Variants in SIN3B observed in about 807,000 individuals in gnomAD.
SIN3B encodes the protein paired amphipathic helix protein Sin3b.
A neutral mutation model predicts 120.2 loss-of-function variants in SIN3B; 19 were observed. The ratio of observed to expected loss-of-function variants is 0.16; its 90% CI spans 0.11 to 0.23. The LOEUF is 0.23. SIN3B is among the 10% of genes least tolerant of loss of function. SIN3B has a pLI of 1.00. For missense variants in SIN3B, 1,073 were observed against 1,573.0 expected (o/e 0.68, Z 5.38); for synonymous variants, 654 against 653.2 (o/e 1.00, Z -0.02).
intron 14 of SIN3B, chr19:16,872,792 T>G (rs1470089550): frequency 6.6e-6 from 1 of 152,164 alleles, no homozygotes; most frequent in East Asian, 1.9e-4. Context: ...TCGAGCTGTG[T>G]GTTAACAGCA....
intron 1 of SIN3B, 33 bp downstream of exon 1, chr19:16,829,573 C>G: frequency 8.0e-7 from 1 of 1,247,982 alleles, no homozygotes; most frequent in African/African-American, 1.5e-5. Context: ...CTCGGGGAAC[C>G]CATCTTCTGG....
chr19:16,880,141 C>T lies in SIN3B; in HGVS notation c.*1414C>T, dbSNP rs2051675506. On this transcript the variant is annotated 3_prime_UTR_variant, in exon 19 of 19. Transcript: ENST00000248054. ...TCCTGTACCAGGCCCACGGCCGTCT[C>T]GGGCAGAGCCACCTGGGCCCCGGGT... 6.6e-6 allele frequency: 1 copy of T among 152,262 alleles called. No homozygotes were observed. The highest frequency in any genetic ancestry group is 1.5e-5 in the Non-Finnish European group (1 of 68,068). The allele number at this position is 152,262 out of a possible 1,614,324, so 9.4% of individuals were successfully genotyped here.
chr19:16,870,857 T>G (rs1277219763), intron 13 of SIN3B, among the ~76,000 whole-genome samples: 5 of 151,956 alleles, frequency 3.3e-5, no homozygotes, highest in Admixed American at 3.3e-4. Flanking sequence ...CCCAGCCCAA[T>G]TTTTTGTATT....
At chr19:16,856,660 C>T (rs538051358) in intron 8 of SIN3B, among the ~76,000 whole-genome samples, 1 of 152,196 alleles carries the variant, frequency 6.6e-6, no homozygotes, top group African/African-American at 2.4e-5. Flanking sequence ...CAACCTCCAC[C>T]TCCCAGGTTC....
chr19:16,865,544 G>A lies in SIN3B; in HGVS notation c.1518G>A (p.Val506=). 1.2e-6 allele frequency: 2 copies of A among 1,613,802 alleles called. No homozygotes were observed. The highest frequency in any genetic ancestry group is 1.7e-6 in the Non-Finnish European group (2 of 1,179,844). The part of the protein sequence containing the change: ...LDDSLGGTSE[V]IQRRAIYRIY... ...ACTCCCTGGGAGGCACGTCGGAGGT[G>A]ATCCAGCGCCGTGCCATTTATCGCA... is the stretch of plus-strand genomic sequence containing the variant. Residue 506 remains valine, a synonymous_variant, in exon 11 of 19, where the codon GTG becomes GTA. Transcript: ENST00000248054.
At chr19:16,875,440 T>TCTG (rs1484294251) in intron 14 of SIN3B, among the ~76,000 whole-genome samples, 2 of 142,888 alleles carry the variant, frequency 1.4e-5, no homozygotes, top group African/African-American at 2.6e-5. Flanking sequence ...TCTGGTCTGG[T>TCTG]TTTGGTCTGG....
intron 7 of SIN3B, 87 bp downstream of exon 7, chr19:16,853,245 C>T (rs1212388597): frequency 1.3e-5 from 17 of 1,285,158 alleles, no homozygotes; most frequent in Admixed American, 5.4e-5. Flanking sequence ...AGGATTGGGG[C>T]GGGGAGCAGG....
chr19:16,878,870 C>G lies in SIN3B; in HGVS notation c.*143C>G. 1.3e-6 allele frequency: 1 copy of G among 768,938 alleles called. No homozygotes were observed. The highest frequency in any genetic ancestry group is 2.0e-6 in the Non-Finnish European group (1 of 490,452). 47.6% of individuals were successfully genotyped at this position (768,938 alleles called of 1,614,324 possible). A position where few individuals can be genotyped will look rare whatever the true frequency, so the allele number is the denominator to read the frequency against. ...CCGGACAGCGCACTCCAGGGCAGGA[C>G]GCCGCCCCCGTGGCTCCCGGTCTCC... On this transcript the variant is annotated 3_prime_UTR_variant, in exon 19 of 19. Coordinates refer to ENST00000248054, the MANE Select transcript of SIN3B (RefSeq NM_001297595.2).
In SIN3B at chr19:16,876,146, C is replaced by T. The variant is rs1299284451; in HGVS notation, c.2684C>T (p.Ser895Phe). 1.6e-5 allele frequency: 26 copies of T among 1,611,632 alleles called. No homozygotes were observed. Among genetic ancestry groups the T allele is most frequent in the Non-Finnish European group, 2.1e-5 (25 of 1,179,548 alleles). ...KKRGAAGGNL[S>F]SRCVRAARET... ...CGGGGTGCCGCTGGTGGGAACCTGT[C>T]CTCCCGCTGCGTCCGCGCTGCTAGG... is the stretch of plus-strand genomic sequence containing the variant. The change falls in exon 15 of 19, where the codon TCC becomes TTC. Residue 895 changes from serine to phenylalanine, a missense_variant. Around this residue, in one of 7 missense-constraint regions of SIN3B, gnomAD observed 311 missense variants for 400.3 expected, o/e 0.78. Transcript: ENST00000248054. This position sits in a 1 kb window ranked among gnomAD's most constrained non-coding sequence, Gnocchi z 7.1.
At chr19:16,834,793 C>T (rs1317403279) in intron 3 of SIN3B, among the ~76,000 whole-genome samples, 1 of 152,062 alleles carries the variant, frequency 6.6e-6, no homozygotes, top group Admixed American at 6.6e-5. Context: ...GGCCATGACT[C>T]GCGTGGCTTC....
intron 7 of SIN3B, among the ~76,000 whole-genome samples, chr19:16,853,675 G>A (rs1023792379): frequency 6.6e-6 from 1 of 151,082 alleles, no homozygotes; most frequent in African/African-American, 2.4e-5. Context: ...TGCGTGCATG[G>A]GCTGTGTGAA....
intron 8 of SIN3B, among the ~76,000 whole-genome samples, chr19:16,861,792 G>A (rs1033276093): frequency 7.3e-5 from 11 of 151,712 alleles, no homozygotes; most frequent in Admixed American, 2.0e-4. Flanking sequence ...AAATTTAGCC[G>A]GGTGTGGTGG....
At chr19:16,859,972 CA>C (rs1319842031) in intron 8 of SIN3B, among the ~76,000 whole-genome samples, 1 of 152,138 alleles carries the variant, frequency 6.6e-6, no homozygotes, top group Non-Finnish European at 1.5e-5. Flanking sequence ...CTGGGTTTAT[CA>C]GGAGGTTAGA....
intron 10 of SIN3B, 56 bp from the exon 11 acceptor site, chr19:16,865,354 T>C: frequency 1.0e-5 from 10 of 962,028 alleles, no homozygotes; most frequent in East Asian, 7.7e-5. Flanking sequence ...CAGGCTCCTC[T>C]CTGAGGCCTC....
intron 12 of SIN3B, among the ~76,000 whole-genome samples, chr19:16,868,924 A>C (rs1024013450): frequency 2.6e-5 from 4 of 152,110 alleles, no homozygotes; most frequent in Non-Finnish European, 5.9e-5. Flanking sequence ...GAGCAGTTGC[A>C]GGCCTTCCGG....
At chr19:16,834,735 T>G (rs1226344646) in intron 3 of SIN3B, among the ~76,000 whole-genome samples, 1 of 151,932 alleles carries the variant, frequency 6.6e-6, no homozygotes, top group Non-Finnish European at 1.5e-5. Context: ...GTCTGGGCTG[T>G]TGTTTGTGTG....
chr19:16,843,107 C>CT (rs1024744042), intron 4 of SIN3B, among the ~76,000 whole-genome samples: 3 of 151,626 alleles, frequency 2.0e-5, no homozygotes, highest in East Asian at 1.9e-4. Flanking sequence ...CATTTTTTTT[C>CT]TTTTTTTTGA....
At chr19:16,848,012 C>A (rs1392294449) in intron 5 of SIN3B, among the ~76,000 whole-genome samples, 1 of 152,172 alleles carries the variant, frequency 6.6e-6, no homozygotes, top group Admixed American at 6.5e-5. Context: ...CCATATGTGG[C>A]CTTTGTGTCT....
rs779593280 is a variant in SIN3B, at chr19:16,876,112, G to C, written c.2650G>C (p.Glu884Gln). 34 of 1,600,758 alleles carry C rather than the reference G, an allele frequency of 2.1e-5. No individual in the cohort carries two copies. The highest frequency in any genetic ancestry group is 2.8e-5 in the Non-Finnish European group (33 of 1,174,926). ...CLKVVELYLN[E>Q]KKRGAAGGNL... Reference sequence around the variant, plus strand: ...GAAGGTGGTGGAGCTCTACCTGAACGAGAAGAAGCGGGGTGCCGCTGGTGG... The same window carrying C: ...GAAGGTGGTGGAGCTCTACCTGAACCAGAAGAAGCGGGGTGCCGCTGGTGG... The change falls in exon 15 of 19, where the codon GAG becomes CAG. Residue 884 changes from glutamate to glutamine, a missense_variant. Around this residue, in one of 7 missense-constraint regions of SIN3B, gnomAD observed 311 missense variants for 400.3 expected, o/e 0.78. Transcript: ENST00000248054. This position sits in a 1 kb window ranked among gnomAD's most constrained non-coding sequence, Gnocchi z 7.1.
Sources: allele counts gnomAD v4.1 joint callset (sites outside exome capture counted in the v4.1 genomes callset), GRCh38; gene constraint gnomAD v4.1.1; regional missense constraint gnomAD v4.1.1; non-coding constraint Gnocchi (gnomAD v3.1); transcripts MANE v1.5; gene names NCBI Gene and HGNC (gene_info 2026-07-23, HGNC 2026-07-21).